The following MYOF variants were observed in gnomAD, a reference collection of about 807,000 sequenced individuals.
MYOF encodes myoferlin, also known as fer-1-like 3, myoferlin.
Under a neutral mutation model 284.2 loss-of-function variants are expected in MYOF, and 244 were observed. The observed-to-expected ratio is 0.86, with a 90% confidence interval of 0.77 to 0.95. MYOF has a LOEUF of 0.95. Ranked by LOEUF, MYOF falls within the 40% of genes least tolerant of loss-of-function variation. MYOF has a pLI of 0.00. For missense variants in MYOF, 2,496 were observed against 2,560.6 expected, an observed-to-expected ratio of 0.97 and a Z score of 0.54; for synonymous variants, 904 against 919.7, an observed-to-expected ratio of 0.98 and a Z score of 0.31.
intron 3 of MYOF, among the ~76,000 whole-genome samples, chr10:93,435,415 T>A (rs1274973018): frequency 6.6e-6 from 1 of 152,214 alleles, no homozygotes; most frequent in Non-Finnish European, 1.5e-5. Flanking sequence ...ATCAAAAACT[T>A]CGAGGCACAT....
At chr10:93,336,852 G>A (rs1169539141) in intron 40 of MYOF, among the ~76,000 whole-genome samples, 1 of 146,544 alleles carries the variant, frequency 6.8e-6, no homozygotes, top group Non-Finnish European at 1.5e-5. Flanking sequence ...AAGAAAAGAA[G>A]GAAGGAAGAA....
intron 19 of MYOF, among the ~76,000 whole-genome samples, chr10:93,382,291 T>G (rs1022212612): frequency 8.6e-5 from 13 of 151,900 alleles, no homozygotes; most frequent in Non-Finnish European, 1.8e-4. Flanking sequence ...TAGGTTGGAG[T>G]GCAATGGCAT....
At chr10:93,393,634 T>C (rs891970589) in intron 16 of MYOF, among the ~76,000 whole-genome samples, 1 of 152,266 alleles carries the variant, frequency 6.6e-6, no homozygotes, top group Non-Finnish European at 1.5e-5. Context: ...TCATGAATAA[T>C]GGATTTCAGT....
intron 45 of MYOF, among the ~76,000 whole-genome samples, chr10:93,327,313 A>C (rs1843095103): frequency 6.6e-6 from 1 of 152,062 alleles, no homozygotes; most frequent in Non-Finnish European, 1.5e-5. Flanking sequence ...ATCTGACTGC[A>C]ACCACAGGAG....
rs61866160 is a variant in MYOF at position 93,362,402 on chromosome 10, A to G, written c.2869-845T>C. On this transcript the variant is annotated intron_variant, in intron 27 of 53. Transcript: ENST00000359263. ...TGGGATTACAGGCACCTGCCACCAC[A>G]CTTGGCTAATTTTTGTATTTTTAGT... 9.0e-3 allele frequency among the ~76,000 whole-genome samples: 1,359 copies of G among 151,454 alleles called. 11 individuals are homozygous for G. Among genetic ancestry groups the G allele is most frequent in the Admixed American group, 0.024 (369 of 15,204 alleles).
chr10:93,356,603 C>T (rs1844815082), intron 30 of MYOF, 72 bp downstream of exon 30: 3 of 1,453,104 alleles, frequency 2.1e-6, no homozygotes, highest in Non-Finnish European at 2.8e-6. Flanking sequence ...ATGGAGTTGG[C>T]AGTGCTGTAT....
At chr10:93,413,709 C>T (rs1411876803) in intron 5 of MYOF, among the ~76,000 whole-genome samples, 1 of 152,244 alleles carries the variant, frequency 6.6e-6, no homozygotes. Flanking sequence ...TATTCTCTGG[C>T]TAGGCGCAGG....
intron 2 of MYOF, among the ~76,000 whole-genome samples, chr10:93,454,069 C>T (rs1281008041): frequency 6.6e-6 from 1 of 152,128 alleles, no homozygotes; most frequent in African/African-American, 2.4e-5. Context: ...GTAATCCCAG[C>T]TACCTGGGAG....
chr10:93,399,745 G>A (rs545196766), intron 12 of MYOF, among the ~76,000 whole-genome samples: 26 of 152,174 alleles, frequency 1.7e-4, no homozygotes, highest in Admixed American at 1.2e-3. Flanking sequence ...GGTGGCACGC[G>A]CCTGTAATCC....
intron 26 of MYOF, among the ~76,000 whole-genome samples, chr10:93,365,408 T>G (rs1022837842): frequency 6.6e-6 from 1 of 152,156 alleles, no homozygotes; most frequent in African/African-American, 2.4e-5. Flanking sequence ...CCTTCTACTG[T>G]TTATTTTTTT....
intron 1 of MYOF, among the ~76,000 whole-genome samples, chr10:93,462,836 A>G (rs943112208): frequency 9.8e-5 from 15 of 152,316 alleles, no homozygotes; most frequent in Non-Finnish European, 1.9e-4. Context: ...AAAATAAAAA[A>G]AAAAGGTTAA....
intron 5 of MYOF, among the ~76,000 whole-genome samples, chr10:93,410,504 C>T (rs1227702338): frequency 6.6e-6 from 1 of 152,158 alleles, no homozygotes; most frequent in Non-Finnish European, 1.5e-5. Flanking sequence ...CTCTTGTGTA[C>T]CTCTGGGGGT....
At chr10:93,467,138 T>C (rs1564741220) in intron 1 of MYOF, among the ~76,000 whole-genome samples, 1 of 152,172 alleles carries the variant, frequency 6.6e-6, no homozygotes, top group Non-Finnish European at 1.5e-5. Flanking sequence ...AAGTCAGCCT[T>C]GTTTCCAAAC....
At chr10:93,425,965 G>A (rs1342756187) in intron 5 of MYOF, 106 bp downstream of exon 5, 1 of 1,170,432 alleles carries the variant, frequency 8.5e-7, no homozygotes, top group African/African-American at 1.5e-5. Flanking sequence ...GGTGGGCAGG[G>A]AGCTACAGGC....
At chr10:93,362,030 C>A (rs957440989) in intron 27 of MYOF, among the ~76,000 whole-genome samples, 4 of 151,880 alleles carry the variant, frequency 2.6e-5, no homozygotes, top group African/African-American at 9.7e-5. Flanking sequence ...CTCACTGCAA[C>A]CTCTGCCTCC....
In MYOF at chr10:93,480,774, C is replaced by A. The variant is rs548047934; in HGVS notation, c.88+1333G>T. Among the ~76,000 whole-genome samples the A allele has an allele frequency of 2.4e-3, 367 of 152,246 alleles. 1 individual carries two copies. The highest frequency in any genetic ancestry group is 8.6e-3 in the African/African-American group (357 of 41,558). On this transcript the variant is annotated intron_variant, in intron 1 of 53. Transcript: ENST00000359263. ...TACAGGCAGAAGTCACCACACCCAG[C>A]CAGCCAGCTTTGAGTTTCATTTCTT...
chr10:93,406,996 A>G (rs1847626691), intron 7 of MYOF, among the ~76,000 whole-genome samples: 1 of 152,010 alleles, frequency 6.6e-6, no homozygotes, highest in Non-Finnish European at 1.5e-5. Context: ...GTTGGCCAAG[A>G]CTCTGAAAAG....
intron 1 of MYOF, 136 bp downstream of exon 1, chr10:93,481,971 G>T: frequency 1.3e-6 from 1 of 791,260 alleles, no homozygotes. Flanking sequence ...CCTCTCCCCT[G>T]TCCTGCGCAG....
chr10:93,387,480 C>T (rs1172620460), intron 19 of MYOF, among the ~76,000 whole-genome samples: 1 of 152,196 alleles, frequency 6.6e-6, no homozygotes, highest in Non-Finnish European at 1.5e-5. Flanking sequence ...CCAGCCACCT[C>T]TGAAAATGGA....
Sources: gnomAD v4.1 joint callset for allele counts (sites outside exome capture counted in the v4.1 genomes callset) on GRCh38, gnomAD v4.1.1 for gene constraint, MANE v1.5 for transcripts, NCBI Gene and HGNC (gene_info 2026-07-23, HGNC 2026-07-21) for gene names.